Variants in IQCM observed in about 807,000 individuals in gnomAD.
The protein encoded by IQCM is IQ motif containing M, also known as IQ domain-containing protein M.
Under a neutral mutation model 57.6 loss-of-function variants are expected in IQCM, and 45 were observed. The observed-to-expected ratio is 0.78, with a 90% CI of 0.62 to 1.00. The LOEUF is 1.00. IQCM is among the 50% of genes least tolerant of loss of function. IQCM has a pLI of 0.00. For synonymous variants in IQCM, 148 were observed against 158.9 expected, an observed-to-expected ratio of 0.93 and a Z score of 0.51; for missense variants, 468 against 511.6, an observed-to-expected ratio of 0.91 and a Z score of 0.82.
chr4:149,656,185 C>T (rs1759620539), intron 7 of IQCM, among the ~76,000 whole-genome samples: 1 of 151,976 alleles, frequency 6.6e-6, no homozygotes, highest in African/African-American at 2.4e-5. Context: ...TAATGTGTGA[C>T]ACAAATTATG....
chr4:149,780,507 T>C (rs1771501944), intron 2 of IQCM, among the ~76,000 whole-genome samples: 1 of 151,256 alleles, frequency 6.6e-6, no homozygotes, highest in South Asian at 2.1e-4. Flanking sequence ...TTAGCCTTAA[T>C]GAAGTAACTT....
intron 13 of IQCM, among the ~76,000 whole-genome samples, chr4:149,408,649 T>C (rs1208442646): frequency 1.3e-5 from 2 of 152,234 alleles, no homozygotes; most frequent in East Asian, 3.9e-4. Flanking sequence ...TTTTTGATTA[T>C]TATCCTCAGT....
In IQCM at chr4:149,687,164, C is replaced by T. The variant is rs548658123; in HGVS notation, c.386-696G>A. On this transcript the variant is annotated intron_variant, in intron 5 of 13. Coordinates refer to ENST00000636793, the MANE Select transcript of IQCM (RefSeq NM_001363507.2). The stretch of plus-strand genomic sequence containing the variant: ...AATAAAAGATACAGAACACATGAGA[C>T]GAAACCCTCTGCTTTAGAAAATTAC... 5.3e-4 allele frequency among the ~76,000 whole-genome samples: 81 copies of T among 151,564 alleles called. 1 individual carries two copies. In the South Asian group the frequency reaches 0.015, roughly 29 times the overall value.
chr4:149,619,117 T>TCC (rs1756076496), intron 8 of IQCM, among the ~76,000 whole-genome samples: 2 of 147,890 alleles, frequency 1.4e-5, no homozygotes, highest in African/African-American at 5.1e-5. Context: ...GATATATATA[T>TCC]ATATATATAT....
intron 13 of IQCM, among the ~76,000 whole-genome samples, chr4:149,432,612 A>G (rs1298572062): frequency 6.6e-6 from 1 of 152,020 alleles, no homozygotes; most frequent in South Asian, 2.1e-4. Flanking sequence ...AAAGCATGCA[A>G]TAAAGAAACA....
chr4:149,786,740 A>T (rs948430535), intron 2 of IQCM, among the ~76,000 whole-genome samples: 1 of 152,178 alleles, frequency 6.6e-6, no homozygotes, highest in African/African-American at 2.4e-5. Context: ...TGGGAATGTA[A>T]ATTAGTTCAC....
intron 13 of IQCM, among the ~76,000 whole-genome samples, chr4:149,410,251 G>T (rs1196142840): frequency 2.0e-5 from 3 of 152,094 alleles, no homozygotes; most frequent in Non-Finnish European, 4.4e-5. Context: ...GTCCCAAACT[G>T]CTCCCATTTG....
At chr4:149,613,356 T>G (rs1407946308) in intron 8 of IQCM, among the ~76,000 whole-genome samples, 1 of 152,098 alleles carries the variant, frequency 6.6e-6, no homozygotes, top group Non-Finnish European at 1.5e-5. Context: ...ACAGTACAAT[T>G]TGGTAAGGAA....
At chr4:149,374,998 T>TGCG (rs10699278) in intron 13 of IQCM, among the ~76,000 whole-genome samples, 1 of 132,422 alleles carries the variant, frequency 7.6e-6, no homozygotes, top group African/African-American at 2.7e-5. Context: ...TGTGTGTGTG[T>TGCG]TGTGTGTGTG....
chr4:149,667,174 G>C (rs1306228650), intron 7 of IQCM, among the ~76,000 whole-genome samples: 1 of 152,134 alleles, frequency 6.6e-6, no homozygotes, highest in Non-Finnish European at 1.5e-5. Flanking sequence ...ACTCATACAG[G>C]AGAGCTCTGA....
intron 9 of IQCM, among the ~76,000 whole-genome samples, chr4:149,586,609 G>C (rs1226100060): frequency 1.3e-5 from 2 of 151,240 alleles, no homozygotes; most frequent in Admixed American, 1.3e-4. Flanking sequence ...ATTGCTTTCT[G>C]TTCTTATCTT....
At chr4:149,505,046 G>A (rs1379283632) in intron 12 of IQCM, among the ~76,000 whole-genome samples, 1 of 152,074 alleles carries the variant, frequency 6.6e-6, no homozygotes, top group African/African-American at 2.4e-5. Context: ...AAAAAATTCT[G>A]TTGATCATAA....
At chr4:149,424,374 AAAAT>A (rs770470918) in intron 13 of IQCM, among the ~76,000 whole-genome samples, 3 of 151,676 alleles carry the variant, frequency 2.0e-5, no homozygotes, top group Admixed American at 6.6e-5. Flanking sequence ...GAACAATATA[AAAAT>A]AAATAAAGCT....
chr4:149,692,057 C>G (rs1400600391), intron 5 of IQCM, among the ~76,000 whole-genome samples: 1 of 151,974 alleles, frequency 6.6e-6, no homozygotes, highest in Non-Finnish European at 1.5e-5. Flanking sequence ...TTTTCCATAC[C>G]CCTTTAAAAT....
intron 12 of IQCM, among the ~76,000 whole-genome samples, chr4:149,482,289 G>T (rs1740989422): frequency 6.6e-6 from 1 of 151,842 alleles, no homozygotes; most frequent in South Asian, 2.1e-4. Flanking sequence ...TTGTCTGATT[G>T]CTCTAGCTAG....
At chr4:149,375,009 T>TGTGAGA (rs55772693) in intron 13 of IQCM, among the ~76,000 whole-genome samples, 2 of 151,102 alleles carry the variant, frequency 1.3e-5, no homozygotes, top group Non-Finnish European at 2.9e-5. Flanking sequence ...TGTGTGTGTG[T>TGTGAGA]GATGTTCTTT....
intron 10 of IQCM, among the ~76,000 whole-genome samples, chr4:149,553,532 G>T (rs1404699242): frequency 6.6e-6 from 1 of 152,030 alleles, no homozygotes; most frequent in Non-Finnish European, 1.5e-5. Context: ...TCCAATATTG[G>T]CTTCTTTCAC....
At chr4:149,752,924 G>A (rs865862100) in intron 2 of IQCM, among the ~76,000 whole-genome samples, 3 of 152,098 alleles carry the variant, frequency 2.0e-5, no homozygotes, top group South Asian at 2.1e-4. Context: ...TTACCACCAC[G>A]CCCTAGCCAC....
intron 12 of IQCM, among the ~76,000 whole-genome samples, chr4:149,445,340 T>C (rs1736391895): frequency 6.6e-6 from 1 of 151,894 alleles, no homozygotes; most frequent in African/African-American, 2.4e-5. Context: ...TATAAATATT[T>C]ATATGCATCC....
Sources: allele counts gnomAD v4.1 joint callset (sites outside exome capture counted in the v4.1 genomes callset), GRCh38; gene constraint gnomAD v4.1.1; transcripts MANE v1.5; gene names NCBI Gene and HGNC (gene_info 2026-07-23, HGNC 2026-07-21).